The following CDH12 variants were observed in gnomAD, a reference collection of about 807,000 sequenced individuals.
The protein encoded by CDH12 is cadherin 12.
CDH12 carries 41 observed loss-of-function variants against 74.1 expected under a neutral mutation model. The observed-to-expected ratio is 0.55, with a 90% CI of 0.43 to 0.72. The LOEUF is 0.72. CDH12 is among the 30% of genes least tolerant of loss of function. The pLI is 0.00. For synonymous variants in CDH12, 399 were observed against 355.0 expected (o/e 1.12, Z -1.39); for missense variants, 945 against 977.2 (o/e 0.97, Z 0.44).
rs1000679568 is a variant in CDH12, at chr5:22,853,213, A to T, written c.-678T>A. The T allele has an allele frequency of 6.6e-6, 1 of 152,186 alleles. No homozygotes were observed. Among genetic ancestry groups the T allele is most frequent in the Non-Finnish European group, 1.5e-5 (1 of 68,100 alleles). 9.4% of individuals were successfully genotyped at this position (152,186 alleles called of 1,614,324 possible). On this transcript the variant is annotated 5_prime_UTR_variant, in exon 1 of 15. An upstream start codon of the reference 5' UTR is lost. Transcript: ENST00000382254. ...ACTGCTTTGCATTTTGTCCGTTTTC[A>T]TTCAAAGAAGGTTCTCCAGGCCGGG...
chr5:22,353,762 T>A (rs1006711911), intron 3 of CDH12, among the ~76,000 whole-genome samples: 1 of 152,098 alleles, frequency 6.6e-6, no homozygotes, highest in Non-Finnish European at 1.5e-5. Flanking sequence ...AATTTTTGAT[T>A]TTTTTTACAC....
chr5:22,552,900 G>A (rs771040298), intron 1 of CDH12, among the ~76,000 whole-genome samples: 6 of 152,100 alleles, frequency 3.9e-5, no homozygotes, highest in Non-Finnish European at 8.8e-5. Flanking sequence ...GTTTGGACAA[G>A]AGCAGCTGCT....
intron 5 of CDH12, among the ~76,000 whole-genome samples, chr5:22,030,074 G>A (rs978009112): frequency 3.4e-5 from 5 of 144,966 alleles, no homozygotes; most frequent in Non-Finnish European, 7.5e-5. Flanking sequence ...GAGAACACAT[G>A]GACACGAGAA....
intron 2 of CDH12, among the ~76,000 whole-genome samples, chr5:22,426,365 G>A (rs1743940321): frequency 6.6e-6 from 1 of 151,014 alleles, no homozygotes; most frequent in Non-Finnish European, 1.5e-5. Context: ...TGTTATCAAA[G>A]AATAAAATGA....
rs191383496 is a variant in CDH12, at chr5:22,635,208, C to G, written c.-522-129844G>C. Among the ~76,000 whole-genome samples the G allele has an allele frequency of 4.6e-5, 7 of 152,126 alleles. No homozygotes were observed. The East Asian group carries it at 1.4e-3, about 29-fold the overall frequency. On this transcript the variant is annotated intron_variant, in intron 1 of 14. Coordinates refer to ENST00000382254, the MANE Select transcript of CDH12 (RefSeq NM_004061.5). ...ATAAGCCCATACTTTTATGTTTATC[C>G]AATTTTGACAAGATTGCCAAGAAAA...
chr5:21,783,392 C>G lies in CDH12; in HGVS notation c.1359G>C (p.Ala453=). Residue 453 remains alanine, a synonymous_variant, in exon 11 of 15, where the codon GCG becomes GCC. Coordinates refer to ENST00000382254, the MANE Select transcript of CDH12 (RefSeq NM_004061.5). ...TCGCAATTATGGAGAAATTATACTG[C>G]GCAGTGCTTTCTCTGTCTAGTAATT... is the stretch of plus-strand genomic sequence containing the variant. ...TNELLDREST[A]QYNFSIIASK... 1 of 1,612,964 alleles carries G rather than the reference C, an allele frequency of 6.2e-7. No homozygotes were observed. The highest frequency in any genetic ancestry group is 8.5e-7 in the Non-Finnish European group (1 of 1,179,094).
intron 1 of CDH12, among the ~76,000 whole-genome samples, chr5:22,750,464 G>C (rs1745508581): frequency 6.6e-6 from 1 of 152,134 alleles, no homozygotes. Flanking sequence ...AGTAGTCCAA[G>C]TAGGAGGAAA....
chr5:22,485,599 A>C (rs1213649083), intron 2 of CDH12, among the ~76,000 whole-genome samples: 2 of 152,200 alleles, frequency 1.3e-5, no homozygotes, highest in Non-Finnish European at 2.9e-5. Flanking sequence ...TTAGATTTAG[A>C]GTATTATTTG....
intron 6 of CDH12, among the ~76,000 whole-genome samples, chr5:21,916,893 G>A (rs1257813577): frequency 6.6e-6 from 1 of 152,110 alleles, no homozygotes; most frequent in Admixed American, 6.5e-5. Context: ...CACTCACGTA[G>A]GCTCTCTATC....
At chr5:21,962,854 C>T (rs185402699) in intron 6 of CDH12, among the ~76,000 whole-genome samples, 2,571 of 152,216 alleles carry the variant, frequency 0.017, 66 homozygotes, top group African/African-American at 0.058. Context: ...GTAACCCAAA[C>T]ATCTCCTTGT....
chr5:22,650,920 C>T (rs917908324), intron 1 of CDH12, among the ~76,000 whole-genome samples: 19 of 151,898 alleles, frequency 1.3e-4, no homozygotes, highest in African/African-American at 2.4e-4. Flanking sequence ...TGGAAACAAA[C>T]GAGAGGCGAT....
intron 3 of CDH12, among the ~76,000 whole-genome samples, chr5:22,360,740 G>C (rs376422620): frequency 6.6e-6 from 1 of 152,156 alleles, no homozygotes; most frequent in East Asian, 1.9e-4. Flanking sequence ...CCATGATCAA[G>C]TGGGCTTCAT....
intron 1 of CDH12, among the ~76,000 whole-genome samples, chr5:22,719,296 T>C (rs1367453993): frequency 3.9e-5 from 6 of 152,188 alleles, no homozygotes; most frequent in Non-Finnish European, 7.3e-5. Flanking sequence ...AAAGCCTTGA[T>C]TGGTAGTTGT....
intron 6 of CDH12, among the ~76,000 whole-genome samples, chr5:21,950,636 G>A (rs1432192886): frequency 1.3e-5 from 2 of 151,184 alleles, no homozygotes. Flanking sequence ...TTAAAATTCT[G>A]TCTATATAAA....
chr5:22,852,195 G>T (rs182449592), intron 1 of CDH12, among the ~76,000 whole-genome samples: 1 of 152,158 alleles, frequency 6.6e-6, no homozygotes, highest in Non-Finnish European at 1.5e-5. Context: ...AAGTATGTCA[G>T]TTCCCTCTCC....
chr5:22,372,875 A>G (rs895205441), intron 3 of CDH12, among the ~76,000 whole-genome samples: 5 of 152,232 alleles, frequency 3.3e-5, no homozygotes, highest in Middle Eastern at 3.4e-3. Context: ...TGCTCCAAGG[A>G]CAAATGCCAC....
intron 3 of CDH12, among the ~76,000 whole-genome samples, chr5:22,226,103 A>G (rs1490655753): frequency 6.6e-6 from 1 of 151,840 alleles, no homozygotes; most frequent in East Asian, 1.9e-4. Context: ...TTTATGTAGA[A>G]GTTCAAGAGT....
rs571241772 is a variant in CDH12, at chr5:22,308,165, C to T, written c.-332-95522G>A. ...AAAGTGCTAGGATTACAGGCGTGAG[C>T]CCCCCGCGCCTGGCCTAGATTCTTT... is the stretch of plus-strand genomic sequence containing the variant. On this transcript the variant is annotated intron_variant, in intron 3 of 14. Coordinates refer to ENST00000382254, the MANE Select transcript of CDH12 (RefSeq NM_004061.5). Among the ~76,000 whole-genome samples the T allele has an allele frequency of 1.1e-4, 17 of 152,038 alleles. 1 individual carries two copies. The South Asian group carries it at 3.5e-3, about 32-fold the overall frequency.
intron 1 of CDH12, among the ~76,000 whole-genome samples, chr5:22,841,688 C>G (rs533227131): frequency 6.6e-6 from 1 of 152,180 alleles, no homozygotes; most frequent in African/African-American, 2.4e-5. Flanking sequence ...GCTAGTGAGG[C>G]AAAAGGTAAA....
Sources: allele counts gnomAD v4.1 joint callset (sites outside exome capture counted in the v4.1 genomes callset), GRCh38; gene constraint gnomAD v4.1.1; transcripts MANE v1.5; gene names NCBI Gene and HGNC (gene_info 2026-07-23, HGNC 2026-07-21).